CAMK1D: variants seen among roughly 807,000 people sequenced by gnomAD.
CAMK1D encodes the protein calcium/calmodulin-dependent protein kinase type 1D.
In CAMK1D, 9 loss-of-function variants were observed where a neutral mutation model predicts 47.7. The observed-to-expected ratio is 0.19, with a 90% CI of 0.11 to 0.33. The LOEUF is 0.33. Ranked by LOEUF, CAMK1D falls within the 10% of genes least tolerant of loss-of-function variation. The probability of loss-of-function intolerance (pLI) is 1.00; values close to 1 mark genes in which losing one functional copy is unlikely to be tolerated. For missense variants in CAMK1D, 291 were observed against 488.7 expected (o/e 0.60, Z 3.81); for synonymous variants, 184 against 184.9 (o/e 0.99, Z 0.04).
intron 7 of CAMK1D, 116 bp from the exon 8 acceptor site, chr10:12,816,134 G>A: frequency 5.4e-6 from 4 of 742,800 alleles, no homozygotes; most frequent in Non-Finnish European, 9.2e-6. Context: ...TCTCTGTGGA[G>A]GGCTGGTCTC....
At chr10:12,621,962 C>A (rs1447914320) in intron 2 of CAMK1D, among the ~76,000 whole-genome samples, 1 of 152,162 alleles carries the variant, frequency 6.6e-6, no homozygotes, top group African/African-American at 2.4e-5. Context: ...CCAGGTTTCC[C>A]ACTAGGCTTC....
chr10:12,708,352 G>A (rs1031634379), intron 3 of CAMK1D, among the ~76,000 whole-genome samples: 5 of 152,138 alleles, frequency 3.3e-5, no homozygotes, highest in African/African-American at 1.2e-4. Context: ...AGGGAGGGAA[G>A]GAGAAGAAGG....
intron 1 of CAMK1D, among the ~76,000 whole-genome samples, chr10:12,476,649 G>A (rs574572334): frequency 2.0e-4 from 30 of 152,294 alleles, no homozygotes; most frequent in Admixed American, 5.2e-4. Flanking sequence ...AGGGTCATAT[G>A]TTCCTGGTTT....
At chr10:12,661,794 A>G (rs573446010) in intron 2 of CAMK1D, among the ~76,000 whole-genome samples, 213 of 152,372 alleles carry the variant, frequency 1.4e-3, no homozygotes, top group Middle Eastern at 3.4e-3. Context: ...CTTGACTTCA[A>G]TGCACAGCAA....
intron 3 of CAMK1D, among the ~76,000 whole-genome samples, chr10:12,689,669 G>A (rs749712023): frequency 1.2e-4 from 18 of 151,902 alleles, no homozygotes; most frequent in Non-Finnish European, 1.9e-4. Context: ...CCAGCTACTC[G>A]GGAGGCTAAG....
rs567039020 is a variant in CAMK1D, at chr10:12,435,804, T to TC, written c.92+85896dup. On this transcript the variant is annotated intron_variant, in intron 1 of 10. Coordinates refer to ENST00000619168, the MANE Select transcript of CAMK1D (RefSeq NM_153498.4). ...CAGCGGTGAGCTCTTTGAATGCTGG[T>TC]CCAAACCCTTCTCATTGTCTTGTAT... 1.5e-3 allele frequency among the ~76,000 whole-genome samples: 232 copies of TC among 152,328 alleles called. 2 individuals carry two copies. Among genetic ancestry groups the TC allele is most frequent in the African/African-American group, 5.2e-3 (218 of 41,572 alleles).
chr10:12,688,217 C>T (rs1341048883), intron 3 of CAMK1D, among the ~76,000 whole-genome samples: 1 of 152,186 alleles, frequency 6.6e-6, no homozygotes, highest in East Asian at 1.9e-4. Flanking sequence ...TCTTTCTCCA[C>T]CTGAAGTCTC....
At chr10:12,499,521 T>TC (rs1050015156) in intron 1 of CAMK1D, among the ~76,000 whole-genome samples, 11 of 152,132 alleles carry the variant, frequency 7.2e-5, no homozygotes, top group Non-Finnish European at 1.5e-4. Context: ...AGGATTGATT[T>TC]CCCCCCAGAT....
chr10:12,592,070 G>A (rs370705240), intron 2 of CAMK1D, among the ~76,000 whole-genome samples: 3 of 152,244 alleles, frequency 2.0e-5, no homozygotes, highest in South Asian at 2.1e-4. Flanking sequence ...AAACGCCCCC[G>A]TTGATTGCTT....
At chr10:12,510,894 C>T (rs564402386) in intron 1 of CAMK1D, among the ~76,000 whole-genome samples, 6 of 152,322 alleles carry the variant, frequency 3.9e-5, no homozygotes, top group Non-Finnish European at 8.8e-5. Flanking sequence ...ATTGATTTCT[C>T]ATTTCTTCAA....
intron 1 of CAMK1D, among the ~76,000 whole-genome samples, chr10:12,423,193 G>A (rs1004437635): frequency 1.3e-5 from 2 of 151,962 alleles, no homozygotes; most frequent in Non-Finnish European, 2.9e-5. Flanking sequence ...AATATTATAC[G>A]GGTGACCACT....
At chr10:12,806,299 G>A (rs899392239) in intron 6 of CAMK1D, among the ~76,000 whole-genome samples, 12 of 152,218 alleles carry the variant, frequency 7.9e-5, no homozygotes, top group Admixed American at 1.3e-4. Context: ...CAGACCGTCT[G>A]TTCCATGCCT....
At chr10:12,462,018 C>A (rs1005360675) in intron 1 of CAMK1D, among the ~76,000 whole-genome samples, 2 of 152,140 alleles carry the variant, frequency 1.3e-5, no homozygotes, top group Non-Finnish European at 2.9e-5. Context: ...ACCCCTAACT[C>A]CCTTGCGACT....
At chr10:12,356,752 G>T in intron 1 of CAMK1D, among the ~76,000 whole-genome samples, 1 of 149,460 alleles carries the variant, frequency 6.7e-6, no homozygotes, top group African/African-American at 2.5e-5. Flanking sequence ...AAGAAAAGGT[G>T]AAGATAACAA....
chr10:12,710,271 G>A (rs970573142), intron 3 of CAMK1D, among the ~76,000 whole-genome samples: 7 of 152,130 alleles, frequency 4.6e-5, no homozygotes, highest in Admixed American at 2.6e-4. Flanking sequence ...GGATCCCGAC[G>A]TAATGACATT....
Position 12,394,415 on chromosome 10 carries a change from G to A in CAMK1D, c.92+44505G>A, listed in dbSNP as rs180872164. Reference sequence around the variant, plus strand: ...CCAGTGCCTCTCCCCTTTCTGGACTGGCAAATTCCAACCCTCTCTCATCAC... The same window carrying A: ...CCAGTGCCTCTCCCCTTTCTGGACTAGCAAATTCCAACCCTCTCTCATCAC... On this transcript the variant is annotated intron_variant, in intron 1 of 10. Transcript: ENST00000619168. Among the ~76,000 whole-genome samples the A allele has an allele frequency of 6.7e-3, 1,023 of 152,248 alleles. 11 individuals carry two copies. The highest frequency in any genetic ancestry group is 7.2e-3 in the Non-Finnish European group (492 of 68,020).
At chr10:12,746,363 C>CAAAAAAAAAAAAAAAAAAA (rs542434085) in intron 3 of CAMK1D, among the ~76,000 whole-genome samples, 18 of 86,826 alleles carry the variant, frequency 2.1e-4, no homozygotes, top group African/African-American at 6.4e-4. Flanking sequence ...GACTCCGTCT[C>CAAAAAAAAAAAAAAAAAAA]AAAAAAAAAA....
In CAMK1D at chr10:12,829,170, C is replaced by G. The variant is rs45522242; in HGVS notation, c.*283C>G. On this transcript the variant is annotated 3_prime_UTR_variant, in exon 11 of 11. Transcript: ENST00000619168. The stretch of plus-strand genomic sequence containing the variant: ...GAACGGACCTTCTTATTCCTCTCCC[C>G]TAACACCATCGTTTCCACTCTTCTC... 9,195 of 300,024 alleles carry G rather than the reference C, an allele frequency of 0.031. 194 individuals are homozygous for G. The highest frequency in any genetic ancestry group is 0.078 in the South Asian group (988 of 12,732). The allele number at this position is 300,024 out of a possible 1,614,324, so 18.6% of individuals were successfully genotyped here.
intron 3 of CAMK1D, among the ~76,000 whole-genome samples, chr10:12,680,440 T>G (rs1415085300): frequency 1.3e-5 from 2 of 152,224 alleles, no homozygotes; most frequent in Non-Finnish European, 2.9e-5. Flanking sequence ...TGGTCTCGTG[T>G]TGTTGTTGTC....
Sources: allele counts gnomAD v4.1 joint callset (sites outside exome capture counted in the v4.1 genomes callset), GRCh38; gene constraint gnomAD v4.1.1; transcripts MANE v1.5; gene names NCBI Gene and HGNC (gene_info 2026-07-23, HGNC 2026-07-21).